IL1RAPL2: variants seen among roughly 807,000 people sequenced by gnomAD.
The protein encoded by IL1RAPL2 is X-linked interleukin-1 receptor accessory protein-like 2.
IL1RAPL2 carries 3 observed loss-of-function variants against 44.1 expected under a neutral mutation model. The ratio of observed to expected loss-of-function variants is 0.07; its 90% CI spans 0.03 to 0.18. The LOEUF is 0.18. Among genes scored for constraint, IL1RAPL2 ranks in the 10% least tolerant of loss-of-function variants. The pLI, the probability that IL1RAPL2 is intolerant of heterozygous loss-of-function variation, is 1.00. For missense variants in IL1RAPL2, 391 were observed against 496.4 expected (o/e 0.79, Z 2.02); for synonymous variants, 181 against 178.8 (o/e 1.01, Z -0.10).
At chrX:104,637,762 C>T (rs1602656630) in intron 1 of IL1RAPL2, among the ~76,000 whole-genome samples, 1 of 103,817 alleles carries the variant, frequency 9.6e-6, no homozygotes, top group East Asian at 3.1e-4. Flanking sequence ...GGGATATTGG[C>T]CTGTAGTTTT....
At chrX:105,462,327 C>A (rs73636231) in intron 5 of IL1RAPL2, among the ~76,000 whole-genome samples, 19,409 of 110,642 alleles carry the variant, frequency 0.18, 4,179 homozygotes, top group African/African-American at 0.61. Flanking sequence ...CACTGAAGCC[C>A]ATTTCATGAA....
chrX:105,713,827 T>A (rs2038234885), intron 6 of IL1RAPL2, among the ~76,000 whole-genome samples: 1 of 111,846 alleles, frequency 8.9e-6, no homozygotes, highest in Admixed American at 9.5e-5. Context: ...ACACTTTTTG[T>A]ATTCTCTTCT....
chrX:104,589,638 C>A (rs183910535), intron 1 of IL1RAPL2, among the ~76,000 whole-genome samples: 81 of 112,365 alleles, frequency 7.2e-4, no homozygotes, highest in African/African-American at 2.4e-3. Context: ...GTAGGCATAA[C>A]CTTATCTCTT....
At chrX:105,516,043 G>A (rs1380934916) in intron 6 of IL1RAPL2, among the ~76,000 whole-genome samples, 2 of 111,237 alleles carry the variant, frequency 1.8e-5, no homozygotes, top group African/African-American at 6.5e-5. Flanking sequence ...GCAAAAATGG[G>A]TTTCTGAGAG....
chrX:105,077,265 C>G (rs1283693625), intron 2 of IL1RAPL2, among the ~76,000 whole-genome samples: 70 of 111,268 alleles, frequency 6.3e-4, no homozygotes, highest in African/African-American at 2.3e-3. Context: ...TCAGCATTTG[C>G]TTGTCTGTAA....
intron 1 of IL1RAPL2, among the ~76,000 whole-genome samples, chrX:104,609,504 G>A (rs867271189): frequency 8.9e-6 from 1 of 111,890 alleles, no homozygotes; most frequent in Non-Finnish European, 1.9e-5. Context: ...TGTAGATTTG[G>A]TCTCTTCACA....
At chrX:104,959,229 T>C (rs1385548254) in intron 2 of IL1RAPL2, among the ~76,000 whole-genome samples, 1 of 111,739 alleles carries the variant, frequency 8.9e-6, no homozygotes, top group East Asian at 2.8e-4. Context: ...ATCAGACTAG[T>C]GATGCCCATT....
At chrX:105,022,596 G>C (rs1178090116) in intron 2 of IL1RAPL2, among the ~76,000 whole-genome samples, 1 of 110,978 alleles carries the variant, frequency 9.0e-6, no homozygotes, top group South Asian at 3.8e-4. Context: ...TTTTTCATGG[G>C]TGCTAACCAC....
chrX:105,003,158 C>G (rs746989993), intron 2 of IL1RAPL2, among the ~76,000 whole-genome samples: 1 of 111,009 alleles, frequency 9.0e-6, no homozygotes, highest in East Asian at 2.9e-4. Flanking sequence ...TTAGTCTCTC[C>G]CAAATATGCA....
rs958906582 is a variant in IL1RAPL2 at position 105,370,815 on chromosome X, A to G, written c.697+103274A>G. On this transcript the variant is annotated intron_variant, in intron 5 of 10. Coordinates refer to ENST00000372582, the MANE Select transcript of IL1RAPL2 (RefSeq NM_017416.2). ...GAGAAATCACCAAACTGCTTTCCAC[A>G]TGGCTGAACATGGCTTTCCACGTGG... Among the ~76,000 whole-genome samples the G allele has an allele frequency of 3.6e-5, 4 of 112,294 alleles. No individual in the cohort carries two copies. In the Admixed American group the frequency reaches 3.8e-4, roughly 11 times the overall value.
rs749564308 is a variant in IL1RAPL2 at position 105,638,504 on chromosome X, C to T, written c.773-78863C>T. 1.4e-4 allele frequency among the ~76,000 whole-genome samples: 16 copies of T among 111,176 alleles called. No individual in the cohort carries two copies. In the East Asian group the frequency reaches 4.3e-3, roughly 30 times the overall value. ...TCAGGTCCACATTAGCCCTGCAATG[C>T]GGAAAGTTTTTTCTTGTACCAGGGA... On this transcript the variant is annotated intron_variant, in intron 6 of 10. Transcript: ENST00000372582.
At chrX:105,168,954 A>G (rs1263168604) in intron 2 of IL1RAPL2, among the ~76,000 whole-genome samples, 1 of 111,935 alleles carries the variant, frequency 8.9e-6, no homozygotes, top group African/African-American at 3.2e-5. Context: ...ACAGTCAACT[A>G]ACATGATGTT....
chrX:104,893,516 G>C (rs1158783356), intron 2 of IL1RAPL2, among the ~76,000 whole-genome samples: 8 of 111,626 alleles, frequency 7.2e-5, no homozygotes, highest in Non-Finnish European at 1.3e-4. Context: ...TCTTCTTGTT[G>C]AATTGATCCC....
At chrX:105,144,904 G>A (rs915111256) in intron 2 of IL1RAPL2, among the ~76,000 whole-genome samples, 6 of 110,897 alleles carry the variant, frequency 5.4e-5, no homozygotes, top group African/African-American at 2.0e-4. Context: ...GAGCTAGTCA[G>A]GTACCTCTTC....
intron 5 of IL1RAPL2, among the ~76,000 whole-genome samples, chrX:105,303,815 C>T (rs2034714524): frequency 8.9e-6 from 1 of 112,375 alleles, no homozygotes; most frequent in Admixed American, 9.4e-5. Flanking sequence ...CAGGGCCCTT[C>T]CTATAGGTTA....
chrX:104,844,098 T>G (rs566164910), intron 2 of IL1RAPL2, among the ~76,000 whole-genome samples: 2 of 106,164 alleles, frequency 1.9e-5, no homozygotes, highest in Non-Finnish European at 3.9e-5. Flanking sequence ...AGTGTTGCTG[T>G]TTTTTTTTTA....
intron 2 of IL1RAPL2, among the ~76,000 whole-genome samples, chrX:104,673,889 GCT>G (rs1161475457): frequency 9.2e-6 from 1 of 109,182 alleles, no homozygotes; most frequent in Admixed American, 9.7e-5. Flanking sequence ...TCATGATTTG[GCT>G]CTCTGTTTGT....
intron 5 of IL1RAPL2, among the ~76,000 whole-genome samples, chrX:105,410,656 T>G (rs1252864801): frequency 9.0e-6 from 1 of 111,456 alleles, no homozygotes; most frequent in Non-Finnish European, 1.9e-5. Flanking sequence ...CCAAGAATAC[T>G]ATATCCAGCA....
intron 5 of IL1RAPL2, among the ~76,000 whole-genome samples, chrX:105,317,235 A>G (rs2034849788): frequency 8.9e-6 from 1 of 112,262 alleles, no homozygotes; most frequent in South Asian, 3.7e-4. Context: ...ATATTTATTA[A>G]GGGCTTAATC....
Sources: gnomAD v4.1 joint callset for allele counts (sites outside exome capture counted in the v4.1 genomes callset) on GRCh38, gnomAD v4.1.1 for gene constraint, MANE v1.5 for transcripts, NCBI Gene and HGNC (gene_info 2026-07-23, HGNC 2026-07-21) for gene names.